Variants in ARAF observed in about 807,000 individuals in gnomAD.
ARAF encodes the protein serine/threonine-protein kinase A-Raf.
In ARAF, 18 loss-of-function variants were observed where a neutral mutation model predicts 48.0. The ratio of observed to expected loss-of-function variants is 0.37; its 90% confidence interval spans 0.26 to 0.56. ARAF has a LOEUF of 0.56. ARAF is among the 20% of genes least tolerant of loss of function. The probability of loss-of-function intolerance (pLI) is 0.77; values close to 1 mark genes in which losing one functional copy is unlikely to be tolerated. For synonymous variants in ARAF, 207 were observed against 220.1 expected (o/e 0.94, Z 0.53); for missense variants, 389 against 543.1 (o/e 0.72, Z 2.82).
At position 47,566,684 on chromosome X, in the gene ARAF, C is replaced by A; in HGVS notation, c.603C>A (p.Ala201=). ...ACCCGGAGCACTTCCCCTTCCCTGC[C>A]CCAGCCAATGCCCCCCTACAGCGCA... The part of the protein sequence containing the change: ...HCDPEHFPFP[A]PANAPLQRIR... The change falls in exon 7 of 16, where the codon GCC becomes GCA. Residue 201 remains alanine (A), a synonymous_variant. Transcript: ENST00000377045. 3 of 1,194,758 alleles carry A rather than the reference C, an allele frequency of 2.5e-6. No homozygotes were observed. Among genetic ancestry groups the A allele is most frequent in the Non-Finnish European group, 3.4e-6 (3 of 886,132 alleles).
rs1218365090 is a variant in ARAF at position 47,564,863 on chromosome X, G to A, written c.267G>A (p.Glu89=). ...TGGATGGCGAGGAGCTCATTGTCGA[G>A]GTCCTTGAAGATGTCCCGCTGACCA... ...APLDGEELIV[E]VLEDVPLTMH... The change falls in exon 4 of 16, where the codon GAG becomes GAA. Residue 89 remains glutamate, a synonymous_variant. Coordinates refer to ENST00000377045, the MANE Select transcript of ARAF (RefSeq NM_001654.5). The A allele has an allele frequency of 8.3e-6, 10 of 1,209,482 alleles. No homozygotes were observed. The highest frequency in any genetic ancestry group is 1.1e-6 in the Non-Finnish European group (1 of 894,929).
At position 47,571,698 on chromosome X, in the gene ARAF, T is replaced by G. The variant is rs1012914324; in HGVS notation, c.*241T>G. The stretch of plus-strand genomic sequence containing the variant: ...TTCCTCTTGGCTTTGGGGATACTTC[T>G]AAATTTTGGGAGCTCCTCCATCTCC... On this transcript the variant is annotated 3_prime_UTR_variant, in exon 16 of 16. Coordinates refer to ENST00000377045, the MANE Select transcript of ARAF (RefSeq NM_001654.5). 9 of 393,167 alleles carry G rather than the reference T, an allele frequency of 2.3e-5. No homozygotes were observed. The highest frequency in any genetic ancestry group is 3.8e-5 in the Non-Finnish European group (9 of 238,820). The allele number at this position is 393,167 out of a possible 1,213,427, so 32.4% of individuals were successfully genotyped here. A position where few individuals can be genotyped will look rare whatever the true frequency, so the allele number is the denominator to read the frequency against.
intron 6 of ARAF, 62 bp from the exon 7 acceptor site, chrX:47,566,577 G>C: frequency 1.8e-6 from 2 of 1,084,394 alleles, no homozygotes; most frequent in Admixed American, 6.7e-5. Context: ...CTGGGGGTGG[G>C]GTGGGGGGCT....
At position 47,569,647 on chromosome X, in the gene ARAF, T is replaced by C; in HGVS notation, c.1409T>C (p.Val470Ala). The stretch of plus-strand genomic sequence containing the variant: ...CCCTTGGAGCAGCCCTCAGGATCTG[T>C]GCTGTGGATGGTGAGTTGGGCCAGG... The part of the protein sequence containing the change: ...AQPLEQPSGS[V>A]LWMAAEVIRM... The change falls in exon 13 of 16, where the codon GTG becomes GCG. Residue 470 changes from valine to alanine, a missense_variant. Around this residue, in one of 4 missense-constraint regions of ARAF, gnomAD observed 170 missense variants for 281.4 expected, o/e 0.60. Coordinates refer to ENST00000377045, the MANE Select transcript of ARAF (RefSeq NM_001654.5). 1 of 1,208,265 alleles carries C rather than the reference T, an allele frequency of 8.3e-7. No homozygotes were observed. The highest frequency in any genetic ancestry group is 2.3e-4 in the Middle Eastern group (1 of 4,300).
At chrX:47,561,979 C>T (rs951542034) in intron 1 of ARAF, among the ~76,000 whole-genome samples, 2 of 98,913 alleles carry the variant, frequency 2.0e-5, no homozygotes, top group Non-Finnish European at 4.1e-5. Context: ...ACCCCCCCCC[C>T]CCATGAATTC....
rs928156916 is a variant in ARAF, at chrX:47,569,594, A to G, written c.1356A>G (p.Thr452=). ...AGATCGGTGACTTTGGCTTGGCCAC[A>G]GTGAAGACTCGATGGAGCGGGGCCC... ...TVKIGDFGLA[T]VKTRWSGAQP... The change falls in exon 13 of 16, where the codon ACA becomes ACG. Residue 452 remains threonine (T), a synonymous_variant. Transcript: ENST00000377045. 2.5e-6 allele frequency: 3 copies of G among 1,209,734 alleles called. No homozygotes were observed. The highest frequency in any genetic ancestry group is 3.4e-6 in the Non-Finnish European group (3 of 894,561).
Position 47,568,724 on chromosome X carries a change from G to A in ARAF, c.1083G>A (p.Thr361=), listed in dbSNP as rs759554784. 2.4e-5 allele frequency: 29 copies of A among 1,208,336 alleles called. No homozygotes were observed. The highest frequency in any genetic ancestry group is 8.7e-5 in the Admixed American group (4 of 45,841). Residue 361 remains threonine (T), a synonymous_variant, in exon 11 of 16, where the codon ACG becomes ACA. Transcript: ENST00000377045. The stretch of plus-strand genomic sequence containing the variant: ...CTGCCCTCCCTGCCTGCAGGAAGAC[G>A]CGACATGTCAACATCTTGCTGTTTA... ...FKNEMQVLRK[T]RHVNILLFMG... is the part of the protein sequence containing the mutation.
Position 47,566,700 on chromosome X carries a change from C to T in ARAF, c.619C>T (p.Leu207=). The change falls in exon 7 of 16, where the codon CTA becomes TTA. Residue 207 remains leucine (L), a synonymous_variant. Transcript: ENST00000377045. ...CTTCCCTGCCCCAGCCAATGCCCCC[C>T]TACAGCGCATCCGCTCCACGTCCAC... The part of the protein sequence containing the change: ...FPFPAPANAP[L]QRIRSTSTPN... 8.3e-7 allele frequency: 1 copy of T among 1,204,002 alleles called. No individual in the cohort carries two copies. The highest frequency in any genetic ancestry group is 1.1e-6 in the Non-Finnish European group (1 of 891,657).
intron 13 of ARAF, 68 bp downstream of exon 13, chrX:47,569,725 C>T: frequency 9.0e-7 from 1 of 1,107,985 alleles, no homozygotes; most frequent in Non-Finnish European, 1.2e-6. Flanking sequence ...TGTGTGGGGC[C>T]AAGTGGGGAC....
chrX:47,565,420 A>T, intron 6 of ARAF, 70 bp downstream of exon 6: 1 of 1,159,188 alleles, frequency 8.6e-7, no homozygotes, highest in Non-Finnish European at 1.2e-6. Flanking sequence ...ACCACGAGCC[A>T]TACTTTATTC....
chrX:47,567,953 T>A (rs931913400), intron 10 of ARAF, among the ~76,000 whole-genome samples: 4 of 111,338 alleles, frequency 3.6e-5, no homozygotes, highest in African/African-American at 1.3e-4. Flanking sequence ...GAAAGCCAGG[T>A]GTCTCCTTTT....
At chrX:47,563,131 T>C in intron 2 of ARAF, 68 bp downstream of exon 2, 1 of 1,149,103 alleles carries the variant, frequency 8.7e-7, no homozygotes, top group Non-Finnish European at 1.2e-6. Flanking sequence ...ATCAAAAGGG[T>C]GACAACGGTT....
In ARAF at chrX:47,564,917, G is replaced by C; in HGVS notation, c.303+18G>C. On this transcript the variant is annotated intron_variant, in intron 4 of 15. Coordinates refer to ENST00000377045, the MANE Select transcript of ARAF (RefSeq NM_001654.5). Reference sequence around the variant, plus strand: ...ACAATTTTGTGAGTGCAGGGTGGACGGTGGGGGTGGACCATGGTTGGGGGT... The same window carrying C: ...ACAATTTTGTGAGTGCAGGGTGGACCGTGGGGGTGGACCATGGTTGGGGGT... 8.3e-7 allele frequency: 1 copy of C among 1,210,044 alleles called. No homozygotes were observed. The highest frequency in any genetic ancestry group is 1.7e-5 in the African/African-American group (1 of 57,844).
chrX:47,565,192 C>T (rs1001882020), intron 5 of ARAF, 53 bp downstream of exon 5: 41 of 1,206,252 alleles, frequency 3.4e-5, no homozygotes, highest in African/African-American at 7.0e-5. Flanking sequence ...GGCCCAGCCA[C>T]GAGGCCCTTA....
intron 3 of ARAF, among the ~76,000 whole-genome samples, 187 bp downstream of exon 3, chrX:47,563,516 C>T (rs1275694112): frequency 1.8e-5 from 2 of 111,958 alleles, no homozygotes; most frequent in Non-Finnish European, 3.8e-5. Flanking sequence ...TAGATAGTAC[C>T]GAACCCAATT....
At chrX:47,568,277 T>C (rs1017415049) in intron 10 of ARAF, among the ~76,000 whole-genome samples, 2 of 111,628 alleles carry the variant, frequency 1.8e-5, no homozygotes, top group African/African-American at 6.5e-5. Context: ...GCTCTAATCA[T>C]CATATATCAC....
At chrX:47,567,192 T>C in intron 9 of ARAF, 38 bp from the exon 10 acceptor site, 1 of 1,209,815 alleles carries the variant, frequency 8.3e-7, no homozygotes, top group African/African-American at 1.7e-5. Context: ...ATGAGGGATG[T>C]GGGCAGGCCT....
At chrX:47,563,797 T>C (rs1044162442) in intron 3 of ARAF, among the ~76,000 whole-genome samples, 3 of 112,168 alleles carry the variant, frequency 2.7e-5, no homozygotes, top group Non-Finnish European at 5.6e-5. Context: ...TTACAGCTTC[T>C]CTTTGGCATG....
rs755147398 is a variant in ARAF, at chrX:47,562,223, TAAA to T, written c.-59-682_-59-680del. Among the ~76,000 whole-genome samples the T allele has an allele frequency of 6.3e-3, 690 of 110,340 alleles. 6 individuals are homozygous for T. The highest frequency in any genetic ancestry group is 0.021 in the African/African-American group (643 of 30,297). The stretch of plus-strand genomic sequence containing the variant: ...AACTGGCATTTCCCCCGTTCTCTGT[TAAA>T]AAACCAGGACACTTTGGGAGGCTGA... On this transcript the variant is annotated intron_variant, in intron 1 of 15. Transcript: ENST00000377045.
Sources: gnomAD v4.1 joint callset for allele counts (sites outside exome capture counted in the v4.1 genomes callset) on GRCh38, gnomAD v4.1.1 for gene constraint, gnomAD v4.1.1 regional missense constraint, MANE v1.5 for transcripts, NCBI Gene and HGNC (gene_info 2026-07-23, HGNC 2026-07-21) for gene names.